SOCS5: variants seen among roughly 807,000 people sequenced by gnomAD.
The protein encoded by SOCS5 is suppressor of cytokine signaling 5.
In SOCS5, 32 loss-of-function variants were observed where a neutral mutation model predicts 42.8. The observed-to-expected ratio is 0.75, with a 90% CI of 0.56 to 1.01. The LOEUF (loss-of-function observed/expected upper bound fraction) is 1.01. Ranked by LOEUF, SOCS5 falls within the 50% of genes least tolerant of loss-of-function variation. SOCS5 has a pLI of 0.00. For synonymous variants in SOCS5, 283 were observed against 229.6 expected, an observed-to-expected ratio of 1.23 and a Z score of -2.10; for missense variants, 627 against 653.0, an observed-to-expected ratio of 0.96 and a Z score of 0.43.
At chr2:46,713,279 C>T (rs1007963411) in intron 1 of SOCS5, among the ~76,000 whole-genome samples, 1 of 152,190 alleles carries the variant, frequency 6.6e-6, no homozygotes, top group Admixed American at 6.5e-5. Flanking sequence ...TCCTTTGAGC[C>T]TGGGAGGTTG....
intron 1 of SOCS5, among the ~76,000 whole-genome samples, chr2:46,740,907 A>G (rs1408756351): frequency 6.6e-6 from 1 of 152,144 alleles, no homozygotes; most frequent in Non-Finnish European, 1.5e-5. Context: ...TCAGCCATAC[A>G]CACCCACATT....
intron 1 of SOCS5, among the ~76,000 whole-genome samples, chr2:46,751,902 A>T (rs188113019): frequency 5.3e-5 from 8 of 152,332 alleles, no homozygotes; most frequent in Admixed American, 4.6e-4. Flanking sequence ...AATGAAAATC[A>T]GAAGAATAAT....
At chr2:46,728,974 A>C (rs886217388) in intron 1 of SOCS5, among the ~76,000 whole-genome samples, 1 of 152,198 alleles carries the variant, frequency 6.6e-6, no homozygotes, top group South Asian at 2.1e-4. Context: ...TAGACACACA[A>C]AATTTCTGGC....
In SOCS5 at chr2:46,752,809, T is replaced by C. The variant is rs186850738; in HGVS notation, c.-12-5710T>C. ...AAACCCCTACCTGACAAAACTGTTT[T>C]ATTTCGTGTTTTCTCTCTGAAACAG... On this transcript the variant is annotated intron_variant, in intron 1 of 1. Transcript: ENST00000394861. Among the ~76,000 whole-genome samples the C allele has an allele frequency of 1.8e-4, 27 of 152,350 alleles. No individual in the cohort carries two copies. In the East Asian group the frequency reaches 4.4e-3, roughly 25 times the overall value.
intron 1 of SOCS5, among the ~76,000 whole-genome samples, chr2:46,726,601 T>C (rs1488785333): frequency 6.6e-6 from 1 of 152,170 alleles, no homozygotes; most frequent in African/African-American, 2.4e-5. Context: ...CTCTGTTCAC[T>C]ATTTTTCTCT....
At chr2:46,702,992 C>G (rs1046781195) in intron 1 of SOCS5, among the ~76,000 whole-genome samples, 2 of 152,194 alleles carry the variant, frequency 1.3e-5, no homozygotes, top group African/African-American at 2.4e-5. Context: ...CCTTAAGCAT[C>G]TTTGCCTTCT....
At chr2:46,719,308 A>T (rs1020473588) in intron 1 of SOCS5, among the ~76,000 whole-genome samples, 1 of 152,208 alleles carries the variant, frequency 6.6e-6, no homozygotes, top group Non-Finnish European at 1.5e-5. Flanking sequence ...ATTTAATGAA[A>T]GGAACACTTA....
intron 1 of SOCS5, among the ~76,000 whole-genome samples, chr2:46,737,966 A>G (rs1401583299): frequency 1.3e-5 from 2 of 152,178 alleles, no homozygotes; most frequent in African/African-American, 4.8e-5. Context: ...AGTTGTAGAG[A>G]TAAAATTGAT....
At chr2:46,702,168 C>A (rs914722553) in intron 1 of SOCS5, among the ~76,000 whole-genome samples, 1 of 152,092 alleles carries the variant, frequency 6.6e-6, no homozygotes, top group Admixed American at 6.5e-5. Flanking sequence ...AGAAAGGGTA[C>A]AGCAAATATT....
chr2:46,714,686 C>T (rs1462617002), intron 1 of SOCS5, among the ~76,000 whole-genome samples: 1 of 152,168 alleles, frequency 6.6e-6, no homozygotes, highest in East Asian at 1.9e-4. Context: ...TTTATTGGAA[C>T]ACAGCCATGC....
chr2:46,706,574 C>T (rs1672468173), intron 1 of SOCS5, among the ~76,000 whole-genome samples: 1 of 152,118 alleles, frequency 6.6e-6, no homozygotes, highest in Non-Finnish European at 1.5e-5. Flanking sequence ...GACATTTCTC[C>T]CCTTGACTTT....
intron 1 of SOCS5, among the ~76,000 whole-genome samples, chr2:46,711,377 C>T (rs942823875): frequency 2.0e-5 from 3 of 152,080 alleles, no homozygotes; most frequent in African/African-American, 2.4e-5. Context: ...TTGTGAGTAT[C>T]GATGTCATGC....
chr2:46,703,006 A>G (rs927135525), intron 1 of SOCS5, among the ~76,000 whole-genome samples: 1 of 152,158 alleles, frequency 6.6e-6, no homozygotes, highest in African/African-American at 2.4e-5. Flanking sequence ...GCCTTCTGTC[A>G]CAATATGTAA....
intron 1 of SOCS5, among the ~76,000 whole-genome samples, chr2:46,745,167 C>G (rs1326828843): frequency 6.6e-6 from 1 of 152,014 alleles, no homozygotes; most frequent in South Asian, 2.1e-4. Flanking sequence ...GCACTACATC[C>G]TTATCAAAGA....
intron 1 of SOCS5, among the ~76,000 whole-genome samples, chr2:46,730,867 C>G (rs773230063): frequency 6.6e-6 from 1 of 152,046 alleles, no homozygotes; most frequent in Non-Finnish European, 1.5e-5. Flanking sequence ...AATTATGGAC[C>G]ATTGTCTCTT....
rs931474246 is a variant in SOCS5, at chr2:46,758,246, G to A, written c.-12-273G>A. ...GAAAAAGAAACCAGAGTTTAAGAGC[G>A]TTTATTTTCTTTCACCTGAGTTCAG... On this transcript the variant is annotated intron_variant, in intron 1 of 1. Coordinates refer to ENST00000394861, the MANE Select transcript of SOCS5 (RefSeq NM_144949.3). Among the ~76,000 whole-genome samples the A allele has an allele frequency of 5.9e-5, 9 of 152,222 alleles. No individual in the cohort carries two copies. In the South Asian group the frequency reaches 6.2e-4, roughly 10 times the overall value.
chr2:46,701,444 G>T (rs1672341844), intron 1 of SOCS5, among the ~76,000 whole-genome samples: 1 of 152,230 alleles, frequency 6.6e-6, no homozygotes, highest in Non-Finnish European at 1.5e-5. Context: ...CCAAGGCCCA[G>T]AGCAGTTGAA....
intron 1 of SOCS5, among the ~76,000 whole-genome samples, chr2:46,726,940 G>C (rs1037834304): frequency 1.3e-5 from 2 of 151,422 alleles, no homozygotes; most frequent in African/African-American, 4.9e-5. Context: ...ATTTTTATTA[G>C]AGACGGGGTT....
Position 46,760,157 on chromosome 2 carries a change from A to G in SOCS5, c.*16A>G, listed in dbSNP as rs1673833013. On this transcript the variant is annotated 3_prime_UTR_variant, in exon 2 of 2. Transcript: ENST00000394861. ...GGCAAAGTAAACTCTCCGGTCCCCA[A>G]AGGTTGTTAACTAGGTCCGCTTTCA... 1 of 1,597,216 alleles carries G rather than the reference A, an allele frequency of 6.3e-7. No individual in the cohort carries two copies. The highest frequency in any genetic ancestry group is 8.6e-7 in the Non-Finnish European group (1 of 1,169,278).
Sources: gnomAD v4.1 joint callset for allele counts (sites outside exome capture counted in the v4.1 genomes callset) on GRCh38, gnomAD v4.1.1 for gene constraint, MANE v1.5 for transcripts, NCBI Gene and HGNC (gene_info 2026-07-23, HGNC 2026-07-21) for gene names.